Variants in DMD observed in about 807,000 individuals in gnomAD.
DMD encodes mutant dystrophin.
Under a neutral mutation model 330.1 loss-of-function variants are expected in DMD, and 63 were observed. The ratio of observed to expected loss-of-function variants is 0.19; its 90% CI spans 0.16 to 0.24. The LOEUF (loss-of-function observed/expected upper bound fraction) is 0.24, where lower values mean the gene tolerates loss of function less well. Among genes scored for constraint, DMD ranks in the 10% least tolerant of loss-of-function variants. The pLI is 1.00. For synonymous variants in DMD, 1,223 were observed against 959.8 expected, an observed-to-expected ratio of 1.27 and a Z score of -5.07; for missense variants, 3,344 against 2,684.1, an observed-to-expected ratio of 1.25 and a Z score of -5.43.
At chrX:32,033,864 C>T (rs996925367) in intron 44 of DMD, among the ~76,000 whole-genome samples, 1 of 111,624 alleles carries the variant, frequency 9.0e-6, no homozygotes, top group Non-Finnish European at 1.9e-5. Flanking sequence ...CAACCATTTG[C>T]ACACTTACTA....
chrX:33,218,866 C>G (rs758518216), intron 1 of DMD, among the ~76,000 whole-genome samples: 1 of 111,566 alleles, frequency 9.0e-6, no homozygotes, highest in Non-Finnish European at 1.9e-5. Flanking sequence ...TTTCCCCTGT[C>G]TCCTCACCTC....
At chrX:32,503,704 C>T (rs746791714) in intron 18 of DMD, among the ~76,000 whole-genome samples, 2 of 110,128 alleles carry the variant, frequency 1.8e-5, no homozygotes, top group Non-Finnish European at 3.8e-5. Context: ...TACAGGCGTG[C>T]ACCACCACGC....
At chrX:32,700,609 A>G (rs1456772257) in intron 7 of DMD, among the ~76,000 whole-genome samples, 1 of 111,864 alleles carries the variant, frequency 8.9e-6, no homozygotes, top group Non-Finnish European at 1.9e-5. Flanking sequence ...AATTAGTTCA[A>G]TGTAGCCATT....
chrX:31,649,955 AAATTT>A (rs1424760210), intron 54 of DMD, among the ~76,000 whole-genome samples: 1 of 109,839 alleles, frequency 9.1e-6, no homozygotes, highest in Admixed American at 9.8e-5. Context: ...TTGTAGCTTT[AAATTT>A]AATTTAATTT....
intron 1 of DMD, among the ~76,000 whole-genome samples, chrX:33,245,585 G>T (rs9969976): frequency 0.014 from 1,512 of 111,926 alleles, 29 homozygotes; most frequent in African/African-American, 0.046. Flanking sequence ...CCAAGTATGG[G>T]CCTCAGTCTA....
chrX:32,686,028 T>C (rs1050105968), intron 9 of DMD, among the ~76,000 whole-genome samples: 1 of 111,453 alleles, frequency 9.0e-6, no homozygotes, highest in East Asian at 2.8e-4. Flanking sequence ...AACAAAAAAG[T>C]TTGCTAGTAG....
intron 44 of DMD, among the ~76,000 whole-genome samples, chrX:32,194,459 C>T (rs1265545568): frequency 1.8e-5 from 2 of 111,867 alleles, no homozygotes. Flanking sequence ...GTGTCTATGA[C>T]TTTTGGCTCA....
chrX:32,427,414 T>G (rs762914134), intron 29 of DMD, among the ~76,000 whole-genome samples: 19 of 111,213 alleles, frequency 1.7e-4, no homozygotes, highest in African/African-American at 5.9e-4. Context: ...ATAATTAGCA[T>G]GTAAATTTTA....
intron 52 of DMD, among the ~76,000 whole-genome samples, chrX:31,729,178 G>C (rs975637043): frequency 2.7e-5 from 3 of 111,779 alleles, no homozygotes; most frequent in Non-Finnish European, 5.6e-5. Context: ...ACAAAATGGG[G>C]GCATCAAAGT....
chrX:32,527,675 C>A (rs2047047121), intron 17 of DMD, among the ~76,000 whole-genome samples: 2 of 111,036 alleles, frequency 1.8e-5, no homozygotes, highest in Admixed American at 9.6e-5. Flanking sequence ...AGTATAAATC[C>A]TATTAGTTCT....
chrX:32,773,313 A>C (rs955667234), intron 7 of DMD, among the ~76,000 whole-genome samples: 12 of 111,323 alleles, frequency 1.1e-4, no homozygotes, highest in Non-Finnish European at 1.9e-4. Flanking sequence ...TTTGGGGTGC[A>C]TGGGATATTT....
Position 32,216,403 on chromosome X carries a change from A to T in DMD, c.6438+513T>A, listed in dbSNP as rs188323815. Reference sequence around the variant, plus strand: ...AAAATGTCAATAAGTACCAACAATTAACTCTGCATTGTTTTGGCCTCTGGA... The same window carrying T: ...AAAATGTCAATAAGTACCAACAATTTACTCTGCATTGTTTTGGCCTCTGGA... On this transcript the variant is annotated intron_variant, in intron 44 of 78. Coordinates refer to ENST00000357033, the MANE Select transcript of DMD (RefSeq NM_004006.3). Among the ~76,000 whole-genome samples, 299 of 112,061 alleles carry T rather than the reference A, an allele frequency of 2.7e-3. 3 individuals carry two copies. Among genetic ancestry groups the T allele is most frequent in the African/African-American group, 9.2e-3 (284 of 30,906 alleles).
intron 45 of DMD, among the ~76,000 whole-genome samples, chrX:31,968,127 T>G (rs937485598): frequency 5.4e-5 from 6 of 111,486 alleles, no homozygotes; most frequent in African/African-American, 2.0e-4. Flanking sequence ...AAGTTTAAAA[T>G]AGCAGAAAAC....
chrX:33,245,083 C>A (rs942178836), intron 1 of DMD, among the ~76,000 whole-genome samples: 2 of 111,269 alleles, frequency 1.8e-5, no homozygotes, highest in African/African-American at 6.5e-5. Context: ...ATGATTTAAT[C>A]CATATTTTTA....
chrX:32,952,269 G>C (rs1463865777), intron 2 of DMD, among the ~76,000 whole-genome samples: 3 of 110,324 alleles, frequency 2.7e-5, no homozygotes, highest in Non-Finnish European at 5.7e-5. Context: ...GAGTAGCTGG[G>C]ATTACAAGCA....
chrX:31,806,381 T>G (rs2092291622), intron 50 of DMD, among the ~76,000 whole-genome samples: 1 of 112,258 alleles, frequency 8.9e-6, no homozygotes. Flanking sequence ...TCTCCTCTTA[T>G]TCAGTTTCCT....
chrX:32,793,727 G>T (rs184124625), intron 7 of DMD, among the ~76,000 whole-genome samples: 39 of 111,747 alleles, frequency 3.5e-4, no homozygotes, highest in Admixed American at 3.3e-3. Context: ...AATCTGAACA[G>T]ATCTATAATT....
intron 44 of DMD, among the ~76,000 whole-genome samples, chrX:32,135,382 C>A (rs2146976723): frequency 8.9e-6 from 1 of 112,488 alleles, no homozygotes; most frequent in Non-Finnish European, 1.9e-5. Flanking sequence ...TTCACATAAT[C>A]ATTCTAGTAA....
intron 44 of DMD, among the ~76,000 whole-genome samples, chrX:32,124,917 G>T (rs965873694): frequency 1.9e-5 from 2 of 106,586 alleles, no homozygotes; most frequent in Non-Finnish European, 3.9e-5. Flanking sequence ...AAACGGAATA[G>T]TACGTGCAAA....
Sources: allele counts gnomAD v4.1 joint callset (sites outside exome capture counted in the v4.1 genomes callset), GRCh38; gene constraint gnomAD v4.1.1; transcripts MANE v1.5; gene names NCBI Gene and HGNC (gene_info 2026-07-23, HGNC 2026-07-21).